Variants in GRK3 observed in about 807,000 individuals in gnomAD.
GRK3 encodes the protein G protein-coupled receptor kinase 3.
A neutral mutation model predicts 95.7 loss-of-function variants in GRK3; 54 were observed. That is an observed-to-expected ratio of 0.56 (90% CI 0.45 to 0.71). The LOEUF (loss-of-function observed/expected upper bound fraction) is 0.71, where lower values mean the gene tolerates loss of function less well. Among genes scored for constraint, GRK3 ranks in the 30% least tolerant of loss-of-function variants. The pLI is 0.00. For synonymous variants in GRK3, 281 were observed against 290.8 expected (o/e 0.97, Z 0.34); for missense variants, 649 against 851.2 (o/e 0.76, Z 2.96).
chr22:25,617,329 G>A (rs1213897771), intron 2 of GRK3, among the ~76,000 whole-genome samples: 4 of 152,278 alleles, frequency 2.6e-5, no homozygotes, highest in Admixed American at 1.3e-4. Flanking sequence ...ATTGGTGACA[G>A]AAAAGAACTT....
chr22:25,599,601 AAAAAAG>A (rs1465215829), intron 1 of GRK3, among the ~76,000 whole-genome samples: 1 of 151,616 alleles, frequency 6.6e-6, no homozygotes, highest in African/African-American at 2.4e-5. Flanking sequence ...CAAAAAAAAA[AAAAAAG>A]AAAAGAAAAA....
chr22:25,614,615 C>T (rs2084524410), intron 2 of GRK3, among the ~76,000 whole-genome samples: 1 of 152,140 alleles, frequency 6.6e-6, no homozygotes, highest in Non-Finnish European at 1.5e-5. Context: ...TTGCACAACT[C>T]CCAGGTGGCA....
At position 25,661,489 on chromosome 22, in the gene GRK3, T is replaced by G. The variant is rs533550363; in HGVS notation, c.265-87T>G. The G allele has an allele frequency of 1.9e-5, 14 of 723,404 alleles. No homozygotes were observed. In the South Asian group the frequency reaches 2.5e-4, roughly 13 times the overall value. The allele number at this position is 723,404 out of a possible 1,614,324, so 44.8% of individuals were successfully genotyped here. On this transcript the variant is annotated intron_variant, in intron 3 of 20. Transcript: ENST00000324198. Reference sequence around the variant, plus strand: ...TAATTTGCTTTATCTCATGTGCAAGTGGTTTCTGCCTGGGCCAGTAATATA... The same window carrying G: ...TAATTTGCTTTATCTCATGTGCAAGGGGTTTCTGCCTGGGCCAGTAATATA...
intron 3 of GRK3, chr22:25,647,835 G>A (rs2084796915): frequency 1.3e-6 from 1 of 779,608 alleles, no homozygotes; most frequent in Non-Finnish European, 2.3e-6. Flanking sequence ...AAATGGCTGG[G>A]TGCAGTGGCT....
At chr22:25,653,602 A>G (rs1239164380) in intron 3 of GRK3, among the ~76,000 whole-genome samples, 1 of 152,244 alleles carries the variant, frequency 6.6e-6, no homozygotes, top group Non-Finnish European at 1.5e-5. Flanking sequence ...GACAGACAAA[A>G]AATTAGTAAG....
intron 2 of GRK3, among the ~76,000 whole-genome samples, chr22:25,638,600 A>G (rs1252408891): frequency 6.6e-6 from 1 of 152,228 alleles, no homozygotes; most frequent in Admixed American, 6.5e-5. Context: ...ATTGGGTTAT[A>G]GTTTTCCCTT....
At chr22:25,621,257 T>C (rs2084583747) in intron 2 of GRK3, among the ~76,000 whole-genome samples, 1 of 152,258 alleles carries the variant, frequency 6.6e-6, no homozygotes, top group Admixed American at 6.5e-5. Flanking sequence ...ACATATAGAA[T>C]TCCCCTTTGG....
chr22:25,579,629 C>A (rs2146317406), intron 1 of GRK3, among the ~76,000 whole-genome samples: 1 of 152,018 alleles, frequency 6.6e-6, no homozygotes, highest in South Asian at 2.1e-4. Context: ...CCCACCACCA[C>A]ACCCGGCTAA....
At chr22:25,644,531 C>A (rs1188482915) in intron 2 of GRK3, 61 bp from the exon 3 acceptor site, 5 of 795,008 alleles carry the variant, frequency 6.3e-6, no homozygotes, top group Non-Finnish European at 1.0e-5. Flanking sequence ...TTGAAAACAC[C>A]CTTGTGGGAT....
intron 1 of GRK3, among the ~76,000 whole-genome samples, chr22:25,594,795 G>A (rs988288189): frequency 1.3e-5 from 2 of 151,844 alleles, no homozygotes; most frequent in African/African-American, 2.4e-5. Flanking sequence ...GGAGAATGGC[G>A]TGAACCCAGG....
intron 1 of GRK3, among the ~76,000 whole-genome samples, chr22:25,569,054 T>G (rs1188481894): frequency 2.6e-5 from 4 of 152,184 alleles, no homozygotes; most frequent in Non-Finnish European, 4.4e-5. Flanking sequence ...AATCAGTAAG[T>G]GATTGGTGGA....
chr22:25,676,324 C>T (rs766130169), intron 8 of GRK3, among the ~76,000 whole-genome samples: 3 of 152,126 alleles, frequency 2.0e-5, no homozygotes, highest in African/African-American at 7.2e-5. Context: ...TGCTTGGCAC[C>T]GTTCATTAAT....
chr22:25,695,482 A>G (rs1345215426), intron 13 of GRK3, among the ~76,000 whole-genome samples: 1 of 152,056 alleles, frequency 6.6e-6, no homozygotes, highest in East Asian at 1.9e-4. Flanking sequence ...ACTGCTTCGA[A>G]TTTTTTTCTT....
chr22:25,610,972 G>T (rs1291318063), intron 2 of GRK3, among the ~76,000 whole-genome samples: 2 of 151,822 alleles, frequency 1.3e-5, no homozygotes, highest in African/African-American at 2.4e-5. Context: ...AATGATTCTC[G>T]TGCCTCAGCC....
Position 25,724,636 on chromosome 22 carries a change from A to T in GRK3, c.*2186A>T, listed in dbSNP as rs1051532770. ...TGATATGGTTGAGAAGTACATCTAG[A>T]TGTCATTTATTAAAAGTGCTTTGTA... On this transcript the variant is annotated 3_prime_UTR_variant, in exon 21 of 21. Coordinates refer to ENST00000324198, the MANE Select transcript of GRK3 (RefSeq NM_005160.4). 6.6e-6 allele frequency: 1 copy of T among 152,110 alleles called. No individual in the cohort carries two copies. Among genetic ancestry groups the T allele is most frequent in the Non-Finnish European group, 1.5e-5 (1 of 68,028 alleles). The allele number at this position is 152,110 out of a possible 1,614,324, so 9.4% of individuals were successfully genotyped here.
intron 13 of GRK3, among the ~76,000 whole-genome samples, chr22:25,701,052 G>C (rs543614024): frequency 2.0e-5 from 3 of 152,274 alleles, no homozygotes; most frequent in East Asian, 3.9e-4. Flanking sequence ...TAGGGGAAAC[G>C]TGCAGCTGTT....
chr22:25,703,976 GTAAA>G, intron 14 of GRK3, 129 bp from the exon 15 acceptor site: 1 of 631,758 alleles, frequency 1.6e-6, no homozygotes, highest in South Asian at 2.3e-5. Context: ...TTTCTATAGA[GTAAA>G]TATTAATTCA....
At chr22:25,704,320 T>G (rs1378239046) in intron 15 of GRK3, 111 bp downstream of exon 15, 1 of 718,136 alleles carries the variant, frequency 1.4e-6, no homozygotes, top group Non-Finnish European at 2.3e-6. Flanking sequence ...CATTTTGACT[T>G]GAAAGGGGAA....
At chr22:25,575,335 G>A (rs1931853485) in intron 1 of GRK3, among the ~76,000 whole-genome samples, 1 of 152,172 alleles carries the variant, frequency 6.6e-6, no homozygotes, top group Admixed American at 6.5e-5. Flanking sequence ...GATGATGGTG[G>A]AGCAGATAGA....
Sources: allele counts gnomAD v4.1 joint callset (sites outside exome capture counted in the v4.1 genomes callset), GRCh38; gene constraint gnomAD v4.1.1; transcripts MANE v1.5; gene names NCBI Gene and HGNC (gene_info 2026-07-23, HGNC 2026-07-21).